Variants in CENPP observed in about 807,000 individuals in gnomAD.
The protein encoded by CENPP is centromere protein P.
Under a neutral mutation model 35.6 loss-of-function variants are expected in CENPP, and 24 were observed. That is an observed-to-expected ratio of 0.67 (90% confidence interval 0.49 to 0.95). The LOEUF (loss-of-function observed/expected upper bound fraction) is 0.95. Among genes scored for constraint, CENPP ranks in the 40% least tolerant of loss-of-function variants. The pLI, the probability that CENPP is intolerant of heterozygous loss-of-function variation, is 0.00. For synonymous variants in CENPP, 120 were observed against 125.5 expected, an observed-to-expected ratio of 0.96 and a Z score of 0.29; for missense variants, 332 against 345.3, an observed-to-expected ratio of 0.96 and a Z score of 0.31.
chr9:92,455,068 A>G (rs987256303), intron 5 of CENPP, among the ~76,000 whole-genome samples: 5 of 152,174 alleles, frequency 3.3e-5, no homozygotes, highest in Admixed American at 6.5e-5. Context: ...ACATTTGTCA[A>G]TTTCTGGAGA....
At chr9:92,434,813 C>G (rs1844207117) in intron 5 of CENPP, among the ~76,000 whole-genome samples, 1 of 152,074 alleles carries the variant, frequency 6.6e-6, no homozygotes, top group Non-Finnish European at 1.5e-5. Flanking sequence ...GAGCCTGAAG[C>G]GGACGGATCA....
intron 4 of CENPP, among the ~76,000 whole-genome samples, chr9:92,374,241 C>CTGTGTGTGTGTGTGTGTG (rs10569730): frequency 7.0e-6 from 1 of 142,756 alleles, no homozygotes; most frequent in African/African-American, 2.6e-5. Context: ...TTGCTGTTTG[C>CTGTGTGTGTGTGTGTGTG]TGTGTGTGTG....
At chr9:92,448,833 A>G (rs1844621003) in intron 5 of CENPP, among the ~76,000 whole-genome samples, 1 of 152,174 alleles carries the variant, frequency 6.6e-6, no homozygotes. Flanking sequence ...ATGGCCTTCC[A>G]TTAGCTTTAC....
At chr9:92,524,769 G>A (rs1037122888) in intron 5 of CENPP, among the ~76,000 whole-genome samples, 1 of 152,166 alleles carries the variant, frequency 6.6e-6, no homozygotes, top group Non-Finnish European at 1.5e-5. Context: ...GGGAATTTAA[G>A]GTATTTGGTG....
chr9:92,572,323 G>A (rs1349753074), intron 5 of CENPP, among the ~76,000 whole-genome samples: 1 of 152,114 alleles, frequency 6.6e-6, no homozygotes, highest in African/African-American at 2.4e-5. Flanking sequence ...GTCTGTAAAG[G>A]ATTTTATTCC....
At chr9:92,546,656 G>A (rs923349280) in intron 5 of CENPP, among the ~76,000 whole-genome samples, 1 of 152,148 alleles carries the variant, frequency 6.6e-6, no homozygotes, top group African/African-American at 2.4e-5. Flanking sequence ...CTGCCTTTAA[G>A]AACTGTAACA....
rs966790795 is a variant in CENPP at position 92,497,877 on chromosome 9, A to T, written c.565-113437A>T. Among the ~76,000 whole-genome samples, 6 of 57,162 alleles carry T rather than the reference A, an allele frequency of 1.0e-4. No individual in the cohort carries two copies. In the African/African-American group the frequency reaches 1.1e-3, roughly 11 times the overall value. The allele number at this position is 57,162 out of a possible 152,430, so 37.5% of individuals were successfully genotyped here. A position where few individuals can be genotyped will look rare whatever the true frequency, so the allele number is the denominator to read the frequency against. On this transcript the variant is annotated intron_variant, in intron 5 of 7. Coordinates refer to ENST00000375587, the MANE Select transcript of CENPP (RefSeq NM_001012267.3). ...ATTCCCATAAGAGCTGGTTGTTTAA[A>T]AAAAAAAAAAAAAAAAGAAGTCTGG...
intron 5 of CENPP, among the ~76,000 whole-genome samples, chr9:92,430,296 GT>G (rs1427259491): frequency 1.3e-5 from 2 of 151,868 alleles, no homozygotes; most frequent in African/African-American, 2.4e-5. Context: ...ACTTCTAGGA[GT>G]TTTTTTATGT....
intron 1 of CENPP, among the ~76,000 whole-genome samples, chr9:92,329,360 A>G (rs1840668552): frequency 6.6e-6 from 1 of 150,826 alleles, no homozygotes; most frequent in East Asian, 1.9e-4. Flanking sequence ...AATTTTTTGT[A>G]TTTTTACTAG....
chr9:92,350,547 C>T (rs1170731542), intron 4 of CENPP, among the ~76,000 whole-genome samples: 1 of 152,166 alleles, frequency 6.6e-6, no homozygotes, highest in Non-Finnish European at 1.5e-5. Flanking sequence ...ATTTTCATGG[C>T]TTACTCCCTC....
At chr9:92,370,554 C>T (rs763161611) in intron 4 of CENPP, among the ~76,000 whole-genome samples, 1 of 152,104 alleles carries the variant, frequency 6.6e-6, no homozygotes, top group Non-Finnish European at 1.5e-5. Flanking sequence ...GATCTTGGCT[C>T]ACTGCAACCT....
At chr9:92,357,643 C>T (rs1322875678) in intron 4 of CENPP, among the ~76,000 whole-genome samples, 5 of 151,726 alleles carry the variant, frequency 3.3e-5, no homozygotes, top group Admixed American at 6.6e-5. Context: ...TACAGGCATG[C>T]GCCACCACTC....
rs57027847 is a variant in CENPP, at chr9:92,555,003, T to TTTGTTGTTG, written c.565-56282_565-56274dup. ...CCATCAAGGATATCGGTCTGTATTG[T>TTTGTTGTTG]TTGTTGTTGTTGTTGTTGTTGTTGT... is the stretch of plus-strand genomic sequence containing the variant. On this transcript the variant is annotated intron_variant, in intron 5 of 7. Transcript: ENST00000375587. Among the ~76,000 whole-genome samples, 304 of 149,826 alleles carry TTTGTTGTTG rather than the reference T, an allele frequency of 2.0e-3. 1 individual carries two copies. The highest frequency in any genetic ancestry group is 6.5e-3 in the Admixed American group (97 of 14,860).
At chr9:92,327,726 C>T (rs767370200) in intron 1 of CENPP, among the ~76,000 whole-genome samples, 1 of 152,150 alleles carries the variant, frequency 6.6e-6, no homozygotes, top group African/African-American at 2.4e-5. Context: ...GCCTGTGGAA[C>T]AGGGGAATCA....
intron 5 of CENPP, among the ~76,000 whole-genome samples, chr9:92,558,634 G>A (rs1201354125): frequency 6.6e-6 from 1 of 152,112 alleles, no homozygotes; most frequent in East Asian, 1.9e-4. Context: ...AAGAGGTGAT[G>A]CTTCCTGGAA....
chr9:92,458,194 T>C (rs73520554), intron 5 of CENPP, among the ~76,000 whole-genome samples: 4,697 of 152,302 alleles, frequency 0.031, 257 homozygotes, highest in African/African-American at 0.11. Flanking sequence ...TCAAAAAGTA[T>C]GGTAAATAGA....
chr9:92,535,977 C>T, intron 5 of CENPP: 1 of 512,270 alleles, frequency 2.0e-6, no homozygotes, highest in East Asian at 5.5e-5. Context: ...TCATTTAAGT[C>T]TCCAGCTGAA....
intron 5 of CENPP, chr9:92,517,533 C>T (rs1318605439): frequency 3.0e-6 from 3 of 1,002,830 alleles, no homozygotes; most frequent in Non-Finnish European, 3.0e-6. Context: ...TACATTTTCC[C>T]AGATATTTTC....
In CENPP at chr9:92,340,301, C is replaced by T. The variant is rs911382771; in HGVS notation, c.378+2672C>T. On this transcript the variant is annotated intron_variant, in intron 3 of 7. Coordinates refer to ENST00000375587, the MANE Select transcript of CENPP (RefSeq NM_001012267.3). ...GAGCTTCTTAGTGGAGTTATACCTT[C>T]CAGGATGGGTTGTACCCTAAGATTG... 2.0e-5 allele frequency: 3 copies of T among 152,310 alleles called. No homozygotes were observed. The East Asian group carries it at 5.8e-4, about 29-fold the overall frequency. 9.4% of individuals were successfully genotyped at this position (152,310 alleles called of 1,614,324 possible).
Sources: gnomAD v4.1 joint callset for allele counts (sites outside exome capture counted in the v4.1 genomes callset) on GRCh38, gnomAD v4.1.1 for gene constraint, MANE v1.5 for transcripts, NCBI Gene and HGNC (gene_info 2026-07-23, HGNC 2026-07-21) for gene names.